The following ZNF483 variants were observed in gnomAD, a reference collection of about 807,000 sequenced individuals.
ZNF483 encodes the protein zinc finger protein HIT-10.
A neutral mutation model predicts 28.6 loss-of-function variants in ZNF483; 9 were observed. The observed-to-expected ratio is 0.32, with a 90% CI of 0.19 to 0.55. The LOEUF is 0.55. Among genes scored for constraint, ZNF483 ranks in the 20% least tolerant of loss-of-function variants. The pLI, the probability that ZNF483 is intolerant of heterozygous loss-of-function variation, is 0.93. For missense variants in ZNF483, 675 were observed against 871.7 expected (o/e 0.77, Z 2.84); for synonymous variants, 322 against 306.2 (o/e 1.05, Z -0.54).
In ZNF483 at chr9:111,542,326, A is replaced by G; in HGVS notation, c.1391A>G (p.Glu464Gly). Residue 464 changes from glutamate (E) to glycine (G), a missense_variant, in exon 6 of 6, where the codon GAA (glutamate) becomes GGA (glycine). Transcript: ENST00000309235. The surrounding 1 kb of genome is among the most constrained non-coding windows in gnomAD (Gnocchi z 6.2). ...LTKHRRIHTG[E>G]KPYMCNECGK... ...AAACATCGGAGAATTCACACTGGAG[A>G]AAAACCCTATATGTGTAATGAATGT... The G allele has an allele frequency of 6.2e-7, 1 of 1,614,156 alleles. No individual in the cohort carries two copies. Among genetic ancestry groups the G allele is most frequent in the Non-Finnish European group, 8.5e-7 (1 of 1,180,028 alleles).
rs1173440711 is a variant in ZNF483, at chr9:111,545,291, A to G, written c.*2121A>G. Among the ~76,000 whole-genome samples, 1 of 152,200 alleles carries G rather than the reference A, an allele frequency of 6.6e-6. No individual in the cohort carries two copies. Among genetic ancestry groups the G allele is most frequent in the African/African-American group, 2.4e-5 (1 of 41,456 alleles). ...AAATATAATTTATAGAAAGTTGAAG[A>G]AATAACGTAAAAGTCTTCAGAAGAG... is the stretch of plus-strand genomic sequence containing the variant. On this transcript the variant is annotated 3_prime_UTR_variant, in exon 6 of 6. Coordinates refer to ENST00000309235, the MANE Select transcript of ZNF483 (RefSeq NM_133464.5).
Position 111,536,245 on chromosome 9 carries a change from C to T in ZNF483, c.721+1892C>T, listed in dbSNP as rs540173474. ...TTTAAAAAAATAAAAATAGGCCAAG[C>T]GTGGTGGCTCACACCTGTAATCCCA... On this transcript the variant is annotated intron_variant, in intron 5 of 5. Transcript: ENST00000309235. Among the ~76,000 whole-genome samples the T allele has an allele frequency of 2.0e-3, 297 of 151,708 alleles. 4 individuals are homozygous for T. Among genetic ancestry groups the T allele is most frequent in the African/African-American group, 6.8e-3 (282 of 41,428 alleles).
At chr9:111,558,681 T>G (rs1006509880), downstream of ZNF483, among the ~76,000 whole-genome samples, 4 of 152,196 alleles carry the variant, frequency 2.6e-5, no homozygotes, top group African/African-American at 9.7e-5. Context: ...GCCCTCTTAG[T>G]GGGCAGAGTT....
rs925595934 is a variant in ZNF483 at position 111,554,104 on chromosome 9, T to G, written c.*10934T>G. ...CCACTCTAGAGATCTCACACAGGCTTCCCAGGATATTTTAAAATCTGGAGA... is the reference window on the plus strand; with the variant it reads ...CCACTCTAGAGATCTCACACAGGCTGCCCAGGATATTTTAAAATCTGGAGA... On this transcript the variant is annotated 3_prime_UTR_variant, in exon 6 of 6. Coordinates refer to ENST00000309235, the MANE Select transcript of ZNF483 (RefSeq NM_133464.5). Among the ~76,000 whole-genome samples, 4 of 152,204 alleles carry G rather than the reference T, an allele frequency of 2.6e-5. No homozygotes were observed. The highest frequency in any genetic ancestry group is 5.9e-5 in the Non-Finnish European group (4 of 68,042).
chr9:111,563,297 C>A, intron 5 of ZNF483: 1 of 1,426,792 alleles, frequency 7.0e-7, no homozygotes. Context: ...CTGTTCTCAT[C>A]CTAGCAACAA....
downstream of ZNF483, among the ~76,000 whole-genome samples, chr9:111,555,563 A>G (rs939923769): frequency 6.6e-6 from 1 of 152,242 alleles, no homozygotes; most frequent in African/African-American, 2.4e-5. Flanking sequence ...ACTGACTCAC[A>G]GTTCCGCAGG....
At chr9:111,562,578 T>A (rs1028010579) in intron 5 of ZNF483, 1 of 151,408 alleles carries the variant, frequency 6.6e-6, no homozygotes, top group African/African-American at 2.4e-5. Flanking sequence ...CCGGCTAACT[T>A]TTTTTTTTAA....
At chr9:111,555,573 G>T (rs1828098470), downstream of ZNF483, among the ~76,000 whole-genome samples, 1 of 152,188 alleles carries the variant, frequency 6.6e-6, no homozygotes, top group Admixed American at 6.5e-5. Flanking sequence ...AGTTCCGCAG[G>T]CTATACAGGA....
At chr9:111,559,968 T>G (rs1456910359), downstream of ZNF483, among the ~76,000 whole-genome samples, 2 of 152,236 alleles carry the variant, frequency 1.3e-5, no homozygotes, top group Admixed American at 6.5e-5. Flanking sequence ...TGTTTCATTG[T>G]ACTACAATTT....
Position 111,561,172 on chromosome 9 carries a change from AGAGAGAAAGAG to A in ZNF483, c.722-15192_722-15182del, listed in dbSNP as rs1589289353. On this transcript the variant is annotated intron_variant, in intron 5 of 5. Transcript: ENST00000358151. ...GGGAGAGAGAGAGAGAGAGAGAGAG[AGAGAGAAAGAG>A]AGAGAGATTCTTCCTGTCCAAGAGT... Among the ~76,000 whole-genome samples the A allele has an allele frequency of 8.2e-5, 11 of 134,614 alleles. 1 individual carries two copies. In the East Asian group the frequency reaches 2.3e-3, roughly 28 times the overall value. The allele number at this position is 134,614 out of a possible 152,430, so 88.3% of individuals were successfully genotyped here.
intron 5 of ZNF483, among the ~76,000 whole-genome samples, chr9:111,571,193 C>G (rs902341507): frequency 2.7e-5 from 4 of 149,660 alleles, no homozygotes; most frequent in Non-Finnish European, 4.5e-5. Flanking sequence ...AGGCAGATCA[C>G]TTGAAGTCAG....
At chr9:111,534,809 C>T (rs909799070) in intron 5 of ZNF483, among the ~76,000 whole-genome samples, 3 of 149,736 alleles carry the variant, frequency 2.0e-5, no homozygotes, top group Admixed American at 1.3e-4. Flanking sequence ...CTGCAACCTC[C>T]GCCTCCCGGG....
chr9:111,575,601 T>A (rs886652458), intron 5 of ZNF483, among the ~76,000 whole-genome samples: 2 of 152,250 alleles, frequency 1.3e-5, no homozygotes, highest in African/African-American at 2.4e-5. Flanking sequence ...CCCTTACATT[T>A]AGGATCAATT....
chr9:111,533,744 T>C lies in ZNF483; in HGVS notation c.507T>C (p.Ser169=). The part of the protein sequence containing the change: ...TVCPNTESCE[S]ITLKDVAVNF... ...AGAGCTGTTTGGTGTTCTAGGAATC[T>C]ATAACATTGAAGGATGTAGCTGTGA... Residue 169 remains serine, a synonymous_variant, in exon 4 of 6, where the codon TCT becomes TCC. Transcript: ENST00000309235. 1.3e-6 allele frequency: 2 copies of C among 1,563,660 alleles called. No homozygotes were observed. Among genetic ancestry groups the C allele is most frequent in the Non-Finnish European group, 1.7e-6 (2 of 1,165,074 alleles).
intron 5 of ZNF483, among the ~76,000 whole-genome samples, chr9:111,561,150 A>G (rs12348035): frequency 8.3e-5 from 2 of 24,000 alleles, no homozygotes; most frequent in East Asian, 4.7e-4. Flanking sequence ...AGAGAGAGGG[A>G]GAGAGAGAGA....
Position 111,555,370 on chromosome 9 carries a change from T to C in ZNF483, c.*12200T>C, listed in dbSNP as rs1828091145. 6.6e-6 allele frequency among the ~76,000 whole-genome samples: 1 copy of C among 152,204 alleles called. No homozygotes were observed. Among genetic ancestry groups the C allele is most frequent in the Non-Finnish European group, 1.5e-5 (1 of 68,034 alleles). On this transcript the variant is annotated 3_prime_UTR_variant, in exon 6 of 6. Coordinates refer to ENST00000309235, the MANE Select transcript of ZNF483 (RefSeq NM_133464.5). ...ATTTTCTCCCTACTTCCAGAAAACC[T>C]GATGCCTCCACCTCCTAAATCTTTC...
intron 5 of ZNF483, among the ~76,000 whole-genome samples, chr9:111,534,587 G>C (rs1244953216): frequency 6.6e-6 from 1 of 152,064 alleles, no homozygotes; most frequent in African/African-American, 2.4e-5. Flanking sequence ...ATTCAGTGAA[G>C]GAAAATGAGG....
In ZNF483 at chr9:111,525,720, C is replaced by G. The variant is rs954469066; in HGVS notation, c.-129+458C>G. Among the ~76,000 whole-genome samples, 14 of 152,198 alleles carry G rather than the reference C, an allele frequency of 9.2e-5. No homozygotes were observed. In the South Asian group the frequency reaches 1.0e-3, roughly 11 times the overall value. On this transcript the variant is annotated intron_variant, in intron 1 of 5. Transcript: ENST00000309235. The stretch of plus-strand genomic sequence containing the variant: ...CTGCGTCACATTTTCACCGGGCCTC[C>G]TATGTAAACTCCCTGTAGACGGAGC...
chr9:111,534,064 T>C (rs1027921263), intron 4 of ZNF483, among the ~76,000 whole-genome samples, 197 bp from the exon 5 acceptor site: 6 of 152,236 alleles, frequency 3.9e-5, no homozygotes, highest in African/African-American at 1.4e-4. Context: ...CTTCATTGAA[T>C]TGGAAATGTG....
Sources: allele counts gnomAD v4.1 joint callset (sites outside exome capture counted in the v4.1 genomes callset), GRCh38; gene constraint gnomAD v4.1.1; non-coding constraint Gnocchi (gnomAD v3.1); transcripts MANE v1.5; gene names NCBI Gene and HGNC (gene_info 2026-07-23, HGNC 2026-07-21).